ATP9A: variants seen among roughly 807,000 people sequenced by gnomAD.
The protein encoded by ATP9A is probable phospholipid-transporting ATPase IIA.
Under a neutral mutation model 144.1 loss-of-function variants are expected in ATP9A, and 52 were observed. The observed-to-expected ratio is 0.36, with a 90% confidence interval of 0.29 to 0.45. The LOEUF (loss-of-function observed/expected upper bound fraction) is 0.45. Among genes scored for constraint, ATP9A ranks in the 20% least tolerant of loss-of-function variants. The pLI is 1.00. For missense variants in ATP9A, 947 were observed against 1,392.7 expected (o/e 0.68, Z 5.09); for synonymous variants, 582 against 557.4 (o/e 1.04, Z -0.62).
At chr20:51,731,236 G>A (rs774908692) in intron 1 of ATP9A, among the ~76,000 whole-genome samples, 4 of 151,322 alleles carry the variant, frequency 2.6e-5, no homozygotes, top group South Asian at 2.1e-4. Context: ...CCCAGTAGGC[G>A]GAGGTTGCAG....
chr20:51,674,207 C>T lies in ATP9A; in HGVS notation c.983G>A (p.Trp328Ter). 1 of 1,613,878 alleles carries T rather than the reference C, an allele frequency of 6.2e-7. No individual in the cohort carries two copies. The highest frequency in any genetic ancestry group is 8.5e-7 in the Non-Finnish European group (1 of 1,179,952). The change falls in exon 11 of 28, where the codon TGG becomes TAG. Residue 328 changes from tryptophan (W) to a stop codon, truncating the protein, a stop_gained. Transcript: ENST00000338821. LOFTEE classifies it high-confidence loss of function. ...MVALQHFAGR[W>*]YLQIIRFLLL... is the part of the protein sequence containing the mutation. The stretch of plus-strand genomic sequence containing the variant: ...GAGGAAGCGGATGATCTGCAGGTAC[C>T]AACGGCCTGCAAAGTGCTGAAGGGC...
intron 4 of ATP9A, among the ~76,000 whole-genome samples, chr20:51,698,528 C>T (rs563014117): frequency 6.6e-6 from 1 of 152,280 alleles, no homozygotes; most frequent in South Asian, 2.1e-4. Flanking sequence ...AACAGCCAGA[C>T]AGCATTTACT....
intron 1 of ATP9A, chr20:51,734,697 T>A: frequency 6.0e-6 from 1 of 167,560 alleles, no homozygotes; most frequent in East Asian, 1.4e-4. Context: ...AAGATATGAC[T>A]TTCTTAAGTG....
At chr20:51,688,080 C>T (rs73267796) in intron 9 of ATP9A, among the ~76,000 whole-genome samples, 237 of 152,310 alleles carry the variant, frequency 1.6e-3, no homozygotes, top group African/African-American at 5.4e-3. Flanking sequence ...AGTTACTTAA[C>T]CTCACTCAGC....
At chr20:51,644,403 G>C (rs1174086314) in intron 14 of ATP9A, among the ~76,000 whole-genome samples, 2 of 148,828 alleles carry the variant, frequency 1.3e-5, no homozygotes, top group African/African-American at 5.0e-5. Flanking sequence ...CTCCCAAGTA[G>C]CTGGTGCCCG....
intron 6 of ATP9A, among the ~76,000 whole-genome samples, chr20:51,694,707 T>C (rs868561314): frequency 2.0e-5 from 3 of 152,342 alleles, no homozygotes; most frequent in Middle Eastern, 3.4e-3. Context: ...CATTATGGGC[T>C]GGCACATTTC....
chr20:51,711,785 CAA>C (rs2077639446), intron 4 of ATP9A, among the ~76,000 whole-genome samples: 2 of 148,098 alleles, frequency 1.4e-5, no homozygotes, highest in East Asian at 1.9e-4. Context: ...ACATATCTTG[CAA>C]GTGGGGGGTC....
intron 13 of ATP9A, among the ~76,000 whole-genome samples, chr20:51,666,680 A>C (rs201775433): frequency 0.14 from 8,195 of 58,992 alleles, 489 homozygotes; most frequent in East Asian, 0.3. Context: ...ACTGTGTCTT[A>C]AAAAAAAAAA....
At chr20:51,684,811 C>G (rs968555957) in intron 9 of ATP9A, among the ~76,000 whole-genome samples, 25 of 151,284 alleles carry the variant, frequency 1.7e-4, no homozygotes, top group African/African-American at 5.6e-4. Flanking sequence ...GAGATCGAGA[C>G]CATCCTGGCT....
In ATP9A at chr20:51,610,535, T is replaced by C. The variant is rs116400826; in HGVS notation, c.2572-370A>G. On this transcript the variant is annotated intron_variant, in intron 23 of 27. Transcript: ENST00000338821. The stretch of plus-strand genomic sequence containing the variant: ...AGTTCCAGGACCCAGGAATGCTTTG[T>C]ACATGAGCACAGCTGATCTCCAGAG... Among the ~76,000 whole-genome samples the C allele has an allele frequency of 7.9e-3, 1,203 of 152,254 alleles. 17 individuals carry two copies. Among genetic ancestry groups the C allele is most frequent in the African/African-American group, 0.028 (1,144 of 41,542 alleles).
At chr20:51,604,728 G>A in intron 27 of ATP9A, 89 bp downstream of exon 27, 1 of 1,254,656 alleles carries the variant, frequency 8.0e-7, no homozygotes, top group Non-Finnish European at 1.0e-6. Flanking sequence ...CCGAGCGCTG[G>A]GAACCCCCCT....
At chr20:51,625,698 C>T (rs2077245662) in intron 17 of ATP9A, among the ~76,000 whole-genome samples, 1 of 152,174 alleles carries the variant, frequency 6.6e-6, no homozygotes, top group Non-Finnish European at 1.5e-5. Context: ...CAACCAAGAT[C>T]TCAAAAAAAC....
intron 3 of ATP9A, among the ~76,000 whole-genome samples, chr20:51,718,120 G>C (rs528016275): frequency 6.6e-6 from 1 of 152,312 alleles, no homozygotes; most frequent in South Asian, 2.1e-4. Flanking sequence ...GCAGAGACCA[G>C]ACTGCACATC....
chr20:51,716,897 G>C (rs1405824942), intron 3 of ATP9A, among the ~76,000 whole-genome samples: 1 of 152,182 alleles, frequency 6.6e-6, no homozygotes, highest in East Asian at 1.9e-4. Flanking sequence ...CTCAGAGTCA[G>C]CTGTCGTGGC....
At position 51,600,916 on chromosome 20, in the gene ATP9A, C is replaced by T. The variant is rs2077140078; in HGVS notation, c.*295G>A. 3 of 261,928 alleles carry T rather than the reference C, an allele frequency of 1.1e-5. No individual in the cohort carries two copies. The East Asian group carries it at 2.3e-4, about 20-fold the overall frequency. The allele number at this position is 261,928 out of a possible 1,614,324, so 16.2% of individuals were successfully genotyped here. A position where few individuals can be genotyped will look rare whatever the true frequency, so the allele number is the denominator to read the frequency against. On this transcript the variant is annotated 3_prime_UTR_variant, in exon 28 of 28. Coordinates refer to ENST00000338821, the MANE Select transcript of ATP9A (RefSeq NM_006045.3). Reference sequence around the variant, plus strand: ...CAACAAAATTCAAGTCATAAGGAAGCTCGCACAGTGACCCATATAAATCTC... The same window carrying T: ...CAACAAAATTCAAGTCATAAGGAAGTTCGCACAGTGACCCATATAAATCTC...
At chr20:51,647,029 G>T (rs2092573) in intron 14 of ATP9A, among the ~76,000 whole-genome samples, 69,892 of 151,788 alleles carry the variant, frequency 0.46, 17,620 homozygotes, top group East Asian at 0.8. Flanking sequence ...TGAGGCAGCG[G>T]AATTGCTTGA....
At chr20:51,755,902 C>A (rs1406319014) in intron 1 of ATP9A, among the ~76,000 whole-genome samples, 1 of 151,960 alleles carries the variant, frequency 6.6e-6, no homozygotes, top group Non-Finnish European at 1.5e-5. Flanking sequence ...TTGCAGTGAG[C>A]CGAGATCGTG....
chr20:51,643,636 A>G lies in ATP9A; in HGVS notation c.1507-4132T>C, dbSNP rs940408315. ...AGACACCAAATCTGCCAGTATGCTG[A>G]CACAGGACTTCCCAGCCTCCAGAAC... On this transcript the variant is annotated intron_variant, in intron 14 of 27. Coordinates refer to ENST00000338821, the MANE Select transcript of ATP9A (RefSeq NM_006045.3). Among the ~76,000 whole-genome samples, 3 of 152,176 alleles carry G rather than the reference A, an allele frequency of 2.0e-5. No individual in the cohort carries two copies. The East Asian group carries it at 5.8e-4, about 29-fold the overall frequency.
rs1203450088 is a variant in ATP9A, at chr20:51,629,804, T to G, written c.1669-732A>C. On this transcript the variant is annotated intron_variant, in intron 15 of 27. Coordinates refer to ENST00000338821, the MANE Select transcript of ATP9A (RefSeq NM_006045.3). ...TGGACCAAGTACCAGTTTCTAGTTG[T>G]GTGCAGCTGGACAAGCTACTCCTCT... Among the ~76,000 whole-genome samples, 10 of 152,330 alleles carry G rather than the reference T, an allele frequency of 6.6e-5. No homozygotes were observed. In the East Asian group the frequency reaches 1.9e-3, roughly 29 times the overall value.
Sources: gnomAD v4.1 joint callset for allele counts (sites outside exome capture counted in the v4.1 genomes callset) on GRCh38, gnomAD v4.1.1 for gene constraint, MANE v1.5 for transcripts, NCBI Gene and HGNC (gene_info 2026-07-23, HGNC 2026-07-21) for gene names.